The following KCP variants were observed in gnomAD, a reference collection of about 807,000 sequenced individuals.
The protein encoded by KCP is kielin/chordin-like protein.
In KCP, 194 loss-of-function variants were observed where a neutral mutation model predicts 212.7. That is an observed-to-expected ratio of 0.91 (90% CI 0.81 to 1.03). KCP has a LOEUF of 1.03. KCP is among the 50% of genes least tolerant of loss of function. The probability of loss-of-function intolerance (pLI) is 0.00; values close to 1 mark genes in which losing one functional copy is unlikely to be tolerated. For synonymous variants in KCP, 833 were observed against 865.3 expected, an observed-to-expected ratio of 0.96 and a Z score of 0.65; for missense variants, 2,080 against 2,162.5, an observed-to-expected ratio of 0.96 and a Z score of 0.76.
chr7:128,889,127 T>G, intron 21 of KCP, 88 bp from the exon 22 acceptor site: 2 of 916,206 alleles, frequency 2.2e-6, no homozygotes, highest in Non-Finnish European at 2.9e-6. Flanking sequence ...GGGCCTGTTA[T>G]GCATCCAAGA....
In KCP at chr7:128,880,421, G is replaced by A. The variant is rs1472556120; in HGVS notation, c.3724C>T (p.Gln1242Ter). ...GAGAGCGGTGAGCAGCGCTGGCTCTGGCAACGCACGGTGCCCGCCATGCAG... is the reference window on the plus strand; with the variant it reads ...GAGAGCGGTGAGCAGCGCTGGCTCTAGCAACGCACGGTGCCCGCCATGCAG... ...CSCMAGTVRC[Q>*]SQRCSPLSCG... Residue 1242 changes from glutamine to a stop codon, truncating the protein, a stop_gained, in exon 34 of 40, where the codon CAG becomes TAG. Coordinates refer to ENST00000610776, the MANE Select transcript of KCP (RefSeq NM_001366122.1). LOFTEE classifies it high-confidence loss of function. 6.5e-7 allele frequency: 1 copy of A among 1,545,484 alleles called. No individual in the cohort carries two copies. Among genetic ancestry groups the A allele is most frequent in the Non-Finnish European group, 8.7e-7 (1 of 1,143,776 alleles).
rs1216308726 is a variant in KCP at position 128,887,329 on chromosome 7, G to A, written c.2513-29C>T. ...GCAGAGCGGGGAGTCCAACAGAAGAGCTGCCATCAACAGAACCTCCACTGT... is the reference window on the plus strand; with the variant it reads ...GCAGAGCGGGGAGTCCAACAGAAGAACTGCCATCAACAGAACCTCCACTGT... On this transcript the variant is annotated intron_variant, in intron 22 of 39. Coordinates refer to ENST00000610776, the MANE Select transcript of KCP (RefSeq NM_001366122.1). 7 of 1,522,746 alleles carry A rather than the reference G, an allele frequency of 4.6e-6. No individual in the cohort carries two copies. In the East Asian group the frequency reaches 1.7e-4, roughly 37 times the overall value. The allele number at this position is 1,522,746 out of a possible 1,614,324, so 94.3% of individuals were successfully genotyped here.
chr7:128,907,480 C>T, intron 2 of KCP, 27 bp from the exon 3 acceptor site: 2 of 1,412,906 alleles, frequency 1.4e-6, no homozygotes, highest in East Asian at 2.6e-5. Context: ...GAATAGCAGG[C>T]ACTGGCTCAG....
Position 128,879,552 on chromosome 7 carries a change from A to C in KCP, c.4116T>G (p.Thr1372=). Residue 1372 remains threonine (T), a synonymous_variant, in exon 37 of 40, where the codon ACT becomes ACG. Coordinates refer to ENST00000610776, the MANE Select transcript of KCP (RefSeq NM_001366122.1). ...GCCCGGGCTGGGCGTGCAGGATCAC[A>C]GTGTGTCCTCGCAGCTCCACATACA... The part of the protein sequence containing the change: ...PLLYVELRGH[T]VILHAQPGLQ... The C allele has an allele frequency of 6.5e-7, 1 of 1,550,120 alleles. No homozygotes were observed. The highest frequency in any genetic ancestry group is 8.7e-7 in the Non-Finnish European group (1 of 1,146,814).
At position 128,879,531 on chromosome 7, in the gene KCP, G is replaced by A. The variant is rs376650846; in HGVS notation, c.4137C>T (p.Pro1379=). Residue 1379 remains proline (P), a synonymous_variant, in exon 37 of 40, where the codon CCC becomes CCT. Transcript: ENST00000610776. ...RGHTVILHAQ[P]GLQVLWDGQS... Reference sequence around the variant, plus strand: ...CGCCCTGGAGCCGCACCTGGAGCCCGGGCTGGGCGTGCAGGATCACAGTGT... The same window carrying A: ...CGCCCTGGAGCCGCACCTGGAGCCCAGGCTGGGCGTGCAGGATCACAGTGT... 28 of 1,549,288 alleles carry A rather than the reference G, an allele frequency of 1.8e-5. No homozygotes were observed. The highest frequency in any genetic ancestry group is 6.0e-5 in the South Asian group (5 of 84,002).
chr7:128,894,992 G>A (rs1007196991), intron 8 of KCP, among the ~76,000 whole-genome samples: 1 of 152,196 alleles, frequency 6.6e-6, no homozygotes. Flanking sequence ...TTCAGGTGCT[G>A]CAGAAGCCAA....
At chr7:128,888,195 TAC>T (rs527971717) in intron 22 of KCP, among the ~76,000 whole-genome samples, 4 of 107,072 alleles carry the variant, frequency 3.7e-5, no homozygotes, top group Non-Finnish European at 6.0e-5. Flanking sequence ...CAGTCACACA[TAC>T]ACACACAGAT....
chr7:128,906,040 G>A (rs1795102089), intron 5 of KCP, among the ~76,000 whole-genome samples: 1 of 152,174 alleles, frequency 6.6e-6, no homozygotes, highest in African/African-American at 2.4e-5. Flanking sequence ...CAACTAGATT[G>A]GAGGCTCCCT....
chr7:128,903,269 C>T (rs773812991), intron 7 of KCP: 1 of 265,498 alleles, frequency 3.8e-6, no homozygotes, highest in Non-Finnish European at 7.1e-6. Flanking sequence ...TCCTTAAGGG[C>T]CACCTGGGGA....
chr7:128,902,594 G>C (rs1322867648), intron 8 of KCP, among the ~76,000 whole-genome samples, 183 bp downstream of exon 8: 1 of 152,228 alleles, frequency 6.6e-6, no homozygotes, highest in African/African-American at 2.4e-5. Flanking sequence ...TGGGCTCAGA[G>C]CTGGGCACGC....
In KCP at chr7:128,888,858, T is replaced by TC. The variant is rs1793907511; in HGVS notation, c.2512+4dup. On this transcript the variant is annotated splice_donor_region_variant and intron_variant, in intron 22 of 39. Transcript: ENST00000610776. The stretch of plus-strand genomic sequence containing the variant: ...GGGGGAATGGAAGGGCAGGTGTGGC[T>TC]CTACCCTGGCAGGTCGGGCAGCAGT... The TC allele has an allele frequency of 1.9e-6, 3 of 1,547,804 alleles. No homozygotes were observed. The highest frequency in any genetic ancestry group is 1.8e-4 in the Middle Eastern group (1 of 5,512).
chr7:128,896,006 C>T (rs916960243), intron 8 of KCP, among the ~76,000 whole-genome samples: 2 of 152,146 alleles, frequency 1.3e-5, no homozygotes, highest in Non-Finnish European at 2.9e-5. Context: ...TGTGCAAGAT[C>T]CAAGAACCCT....
intron 31 of KCP, among the ~76,000 whole-genome samples, chr7:128,881,401 C>G (rs1793325227): frequency 6.6e-6 from 1 of 152,230 alleles, no homozygotes; most frequent in Non-Finnish European, 1.5e-5. Flanking sequence ...GGCATCAGGC[C>G]AGACCTTGAG....
At position 128,878,635 on chromosome 7, in the gene KCP, C is replaced by A; in HGVS notation, c.4234G>T (p.Gly1412Cys). ...RTCGLCGNFN[G>C]FAQDDLQGPE... ...CCCTGCAGATCGTCCTGGGCAAAGCCATTGAAGTTCCCACAGAGCCCACAA... is the reference window on the plus strand; with the variant it reads ...CCCTGCAGATCGTCCTGGGCAAAGCAATTGAAGTTCCCACAGAGCCCACAA... Residue 1412 changes from glycine (G) to cysteine (C), a missense_variant, in exon 38 of 40, where the codon GGC becomes TGC. Gly to Cys is a radical substitution (Grantham distance 159). Coordinates refer to ENST00000610776, the MANE Select transcript of KCP (RefSeq NM_001366122.1). The A allele has an allele frequency of 6.4e-7, 1 of 1,551,482 alleles. No homozygotes were observed. The highest frequency in any genetic ancestry group is 1.2e-5 in the South Asian group (1 of 84,064).
chr7:128,906,971 C>A (rs981773741), intron 4 of KCP, 130 bp downstream of exon 4: 1 of 893,776 alleles, frequency 1.1e-6, no homozygotes, highest in Non-Finnish European at 1.7e-6. Context: ...CAACTGAAAG[C>A]CACCGTGGCA....
chr7:128,891,364 A>G, intron 18 of KCP, 86 bp from the exon 19 acceptor site: 1 of 1,545,274 alleles, frequency 6.5e-7, no homozygotes, highest in Non-Finnish European at 8.7e-7. Flanking sequence ...ACCAGGTCCC[A>G]CCCCTCCCAC....
In KCP at chr7:128,884,100, C is replaced by G; in HGVS notation, c.3146G>C (p.Ser1049Thr). ...ICEPQPEGPP[S>T]LRCHRRQCPS... Reference sequence around the variant, plus strand: ...ACACTGCCGCCGGTGACAGCGAAGGCTGGGAGGCCCCTCAGGCTGTGGCTA... The same window carrying G: ...ACACTGCCGCCGGTGACAGCGAAGGGTGGGAGGCCCCTCAGGCTGTGGCTA... The change falls in exon 29 of 40, where the codon AGC (serine) becomes ACC (threonine). Residue 1049 changes from serine (S) to threonine (T), a missense_variant. Ser to Thr is a moderately conservative substitution (Grantham distance 58). Coordinates refer to ENST00000610776, the MANE Select transcript of KCP (RefSeq NM_001366122.1). The G allele has an allele frequency of 6.5e-7, 1 of 1,545,154 alleles. No individual in the cohort carries two copies. Among genetic ancestry groups the G allele is most frequent in the Non-Finnish European group, 8.7e-7 (1 of 1,145,454 alleles).
chr7:128,910,513 C>T (rs975498221), intron 1 of KCP, 88 bp downstream of exon 1: 299 of 1,229,342 alleles, frequency 2.4e-4, no homozygotes, highest in Non-Finnish European at 3.2e-4. Context: ...AGCAGAGCCC[C>T]CAGCCCCTCT....
At position 128,880,720 on chromosome 7, in the gene KCP, C is replaced by T. The variant is rs1020864118; in HGVS notation, c.3515G>A (p.Arg1172Gln). The T allele has an allele frequency of 2.1e-5, 9 of 431,912 alleles. No individual in the cohort carries two copies. The highest frequency in any genetic ancestry group is 8.1e-5 in the African/African-American group (4 of 49,124). The allele number at this position is 431,912 out of a possible 1,614,324, so 26.8% of individuals were successfully genotyped here. ...CTCGAGGTGGCACTCCACATGGCCC[C>T]GCTGAGGACAGACATCATTGTTCTG... is the stretch of plus-strand genomic sequence containing the variant. ...SNACIACTCH[R>Q]GHVECHLEEC... Residue 1172 changes from arginine to glutamine, a missense_variant and splice_region_variant, in exon 33 of 40, where the codon CGG (arginine) becomes CAG (glutamine). Arg to Gln is a conservative substitution (Grantham distance 43). Coordinates refer to ENST00000610776, the MANE Select transcript of KCP (RefSeq NM_001366122.1).
Sources: allele counts gnomAD v4.1 joint callset (sites outside exome capture counted in the v4.1 genomes callset), GRCh38; gene constraint gnomAD v4.1.1; transcripts MANE v1.5; gene names NCBI Gene and HGNC (gene_info 2026-07-23, HGNC 2026-07-21).